Variants in CELF4 observed in about 807,000 individuals in gnomAD.
The protein encoded by CELF4 is CUGBP Elav-like family member 4.
CELF4 carries 18 observed loss-of-function variants against 59.9 expected under a neutral mutation model. That is an observed-to-expected ratio of 0.30 (90% CI 0.21 to 0.45). The LOEUF is 0.45. CELF4 is among the 20% of genes least tolerant of loss of function. CELF4 has a pLI of 1.00. For synonymous variants in CELF4, 261 were observed against 267.1 expected (o/e 0.98, Z 0.22); for missense variants, 456 against 689.0 (o/e 0.66, Z 3.79).
intron 3 of CELF4, among the ~76,000 whole-genome samples, chr18:37,298,969 G>C (rs1261358900): frequency 6.6e-6 from 1 of 152,190 alleles, no homozygotes; most frequent in African/African-American, 2.4e-5. Context: ...ACTTAGCATA[G>C]GGCCTGGCAG....
chr18:37,243,858 A>G lies in CELF4; in HGVS notation c.*1384T>C. 1 of 177,696 alleles carries G rather than the reference A, an allele frequency of 5.6e-6. No individual in the cohort carries two copies. The allele number at this position is 177,696 out of a possible 1,614,324, so 11.0% of individuals were successfully genotyped here. On this transcript the variant is annotated 3_prime_UTR_variant, in exon 13 of 13. Transcript: ENST00000420428. ...AAGCGTGGAAGGCGAGTGAAGCGGA[A>G]GGTGAGTGAAGCGCGCGCAGCTCCC...
At chr18:37,355,533 C>T (rs114969430) in intron 2 of CELF4, among the ~76,000 whole-genome samples, 2,676 of 152,008 alleles carry the variant, frequency 0.018, 82 homozygotes, top group African/African-American at 0.062. Flanking sequence ...ATTAGCTGGG[C>T]GCAGGGGTGC....
chr18:37,439,838 A>G (rs1041513100), intron 2 of CELF4, among the ~76,000 whole-genome samples: 1 of 152,110 alleles, frequency 6.6e-6, no homozygotes, highest in African/African-American at 2.4e-5. Context: ...TTCTTTGGGG[A>G]AACATTTGTC....
Position 37,259,283 on chromosome 18 carries a change from GTGGGCGGGGGAGGAGGGATGGCA to G in CELF4, c.1250-42_1250-20del. On this transcript the variant is annotated intron_variant, in intron 10 of 12. Coordinates refer to ENST00000420428, the MANE Select transcript of CELF4 (RefSeq NM_020180.4). ...TCGGGCCCTGCGGTGAGGGGAGGGG[GTGGGCGGGGGAGGAGGGATGGCA>G]GGGTGGGGGAAGAGAGAGACAGAGG... 1 of 979,090 alleles carries G rather than the reference GTGGGCGGGGGAGGAGGGATGGCA, an allele frequency of 1.0e-6. No homozygotes were observed. Among genetic ancestry groups the G allele is most frequent in the Non-Finnish European group, 1.6e-6 (1 of 625,536 alleles). 60.7% of individuals were successfully genotyped at this position (979,090 alleles called of 1,614,324 possible).
chr18:37,428,496 C>T (rs777687766), intron 2 of CELF4, among the ~76,000 whole-genome samples: 7 of 152,118 alleles, frequency 4.6e-5, no homozygotes, highest in African/African-American at 1.7e-4. Flanking sequence ...TTTCCAAGGG[C>T]GTCTACAAGG....
At chr18:37,478,038 C>T (rs751798152) in intron 2 of CELF4, among the ~76,000 whole-genome samples, 11 of 152,208 alleles carry the variant, frequency 7.2e-5, no homozygotes, top group African/African-American at 9.7e-5. Context: ...ATCTGACCCA[C>T]GCTTTATTAT....
At chr18:37,469,236 T>A (rs139894452) in intron 2 of CELF4, among the ~76,000 whole-genome samples, 310 of 152,250 alleles carry the variant, frequency 2.0e-3, no homozygotes, top group African/African-American at 7.2e-3. Context: ...CTTCGTGTCA[T>A]GACGGCAGGG....
chr18:37,350,937 C>CT (rs2098425727), intron 2 of CELF4, among the ~76,000 whole-genome samples: 1 of 152,198 alleles, frequency 6.6e-6, no homozygotes, highest in Admixed American at 6.5e-5. Flanking sequence ...AGTCTTGGGT[C>CT]TCTGGGGAGC....
At position 37,262,230 on chromosome 18, in the gene CELF4, A is replaced by T. The variant is rs187827506; in HGVS notation, c.1249+2444T>A. Among the ~76,000 whole-genome samples, 227 of 152,264 alleles carry T rather than the reference A, an allele frequency of 1.5e-3. 2 individuals carry two copies. Among genetic ancestry groups the T allele is most frequent in the African/African-American group, 4.9e-3 (204 of 41,550 alleles). On this transcript the variant is annotated intron_variant, in intron 10 of 12. Coordinates refer to ENST00000420428, the MANE Select transcript of CELF4 (RefSeq NM_020180.4). ...GCCCATGCTGTGCGGCTCTGTTGGT[A>T]TCGTGCATTACTCTTCCCCATCCCC...
intron 1 of CELF4, among the ~76,000 whole-genome samples, chr18:37,514,969 T>A (rs978312900): frequency 2.6e-5 from 4 of 152,320 alleles, no homozygotes; most frequent in South Asian, 2.1e-4. Context: ...AATCTTTTTT[T>A]AAAAAAATGC....
At position 37,363,515 on chromosome 18, in the gene CELF4, A is replaced by G. The variant is rs148315611; in HGVS notation, c.370-41634T>C. 4.7e-3 allele frequency among the ~76,000 whole-genome samples: 718 copies of G among 152,272 alleles called. 5 individuals are homozygous for G. Among genetic ancestry groups the G allele is most frequent in the African/African-American group, 0.016 (676 of 41,544 alleles). Reference sequence around the variant, plus strand: ...TCCTAGCACACAAAATCGGGACACAATGAGGGGTGGCAGGTGGCAGACGTT... The same window carrying G: ...TCCTAGCACACAAAATCGGGACACAGTGAGGGGTGGCAGGTGGCAGACGTT... On this transcript the variant is annotated intron_variant, in intron 2 of 12. Coordinates refer to ENST00000420428, the MANE Select transcript of CELF4 (RefSeq NM_020180.4).
In CELF4 at chr18:37,565,630, C is replaced by G; in HGVS notation, c.12G>C (p.Lys4Asn). The change falls in exon 1 of 13, where the codon AAG (lysine) becomes AAC (asparagine). Residue 4 changes from lysine (K) to asparagine (N), a missense_variant. This residue lies in a region of CELF4 where 70 missense variants were observed against 69.5 expected (regional missense o/e 1.01). Coordinates refer to ENST00000420428, the MANE Select transcript of CELF4 (RefSeq NM_020180.4). ...CCTGTCCGTTTGCTAACGTGGCCAT[C>G]TTTATATACATAGAGAAAATCTTCT... MYI[K>N]MATLANGQAD... 6.3e-7 allele frequency: 1 copy of G among 1,594,078 alleles called. No homozygotes were observed. Among genetic ancestry groups the G allele is most frequent in the South Asian group, 1.1e-5 (1 of 89,086 alleles).
chr18:37,401,990 C>G (rs2099330750), intron 2 of CELF4, among the ~76,000 whole-genome samples: 1 of 152,204 alleles, frequency 6.6e-6, no homozygotes, highest in African/African-American at 2.4e-5. Flanking sequence ...TTGGGGCTGT[C>G]TGCCTTTAAA....
Position 37,284,839 on chromosome 18 carries a change from G to A in CELF4, c.449-9596C>T, listed in dbSNP as rs547092605. Among the ~76,000 whole-genome samples, 286 of 152,320 alleles carry A rather than the reference G, an allele frequency of 1.9e-3. 1 individual carries two copies. Among genetic ancestry groups the A allele is most frequent in the Middle Eastern group, 6.8e-3 (2 of 294 alleles). On this transcript the variant is annotated intron_variant, in intron 3 of 12. Coordinates refer to ENST00000420428, the MANE Select transcript of CELF4 (RefSeq NM_020180.4). ...CCACTGTTCAGATGAAGAAACTGAGGCACAGAGAAGTTAAATATCTTTCCC... is the reference window on the plus strand; with the variant it reads ...CCACTGTTCAGATGAAGAAACTGAGACACAGAGAAGTTAAATATCTTTCCC...
At chr18:37,538,817 C>T (rs1214099720) in intron 1 of CELF4, among the ~76,000 whole-genome samples, 1 of 152,154 alleles carries the variant, frequency 6.6e-6, no homozygotes, top group Non-Finnish European at 1.5e-5. Flanking sequence ...AGCACATTTC[C>T]CAGAGCCCGA....
chr18:37,470,836 C>CTGTG (rs71381583), intron 2 of CELF4, among the ~76,000 whole-genome samples: 2,989 of 93,130 alleles, frequency 0.032, 86 homozygotes, highest in Middle Eastern at 0.052. Flanking sequence ...CTTCATGACT[C>CTGTG]TGTGTGTGTG....
intron 12 of CELF4, among the ~76,000 whole-genome samples, chr18:37,248,835 T>C (rs2063654063): frequency 6.6e-6 from 1 of 151,984 alleles, no homozygotes; most frequent in African/African-American, 2.4e-5. Flanking sequence ...GATTCCCTGC[T>C]CCCCTGTGGC....
intron 2 of CELF4, among the ~76,000 whole-genome samples, chr18:37,334,993 G>GCTCC (rs934548914): frequency 6.0e-5 from 9 of 150,136 alleles, no homozygotes; most frequent in East Asian, 2.0e-4. Flanking sequence ...TCACTCCCTC[G>GCTCC]CTCCCTCCCT....
At chr18:37,335,534 T>C (rs570734494) in intron 2 of CELF4, among the ~76,000 whole-genome samples, 1 of 150,840 alleles carries the variant, frequency 6.6e-6, no homozygotes, top group East Asian at 2.0e-4. Flanking sequence ...GGTGAATGGG[T>C]GTAGGTATGG....
Sources: gnomAD v4.1 joint callset for allele counts (sites outside exome capture counted in the v4.1 genomes callset) on GRCh38, gnomAD v4.1.1 for gene constraint, gnomAD v4.1.1 regional missense constraint, MANE v1.5 for transcripts, NCBI Gene and HGNC (gene_info 2026-07-23, HGNC 2026-07-21) for gene names.